The following COL4A5 variants were observed in gnomAD, a reference collection of about 807,000 sequenced individuals.
COL4A5 encodes collagen alpha-5(IV) chain.
A neutral mutation model predicts 130.2 loss-of-function variants in COL4A5; 26 were observed. The observed-to-expected ratio is 0.20, with a 90% confidence interval of 0.15 to 0.28. COL4A5 has a LOEUF of 0.28. COL4A5 is among the 10% of genes least tolerant of loss of function. The pLI, the probability that COL4A5 is intolerant of heterozygous loss-of-function variation, is 1.00. For missense variants in COL4A5, 1,131 were observed against 1,344.3 expected (o/e 0.84, Z 2.48); for synonymous variants, 496 against 439.6 (o/e 1.13, Z -1.60).
At chrX:108,512,098 C>CA (rs2065184322) in intron 1 of COL4A5, among the ~76,000 whole-genome samples, 1 of 111,902 alleles carries the variant, frequency 8.9e-6, no homozygotes, top group Admixed American at 9.5e-5. Flanking sequence ...CTAAATGGTT[C>CA]AACATTTATA....
chrX:108,515,537 A>G (rs921162746), intron 1 of COL4A5, among the ~76,000 whole-genome samples: 1 of 110,683 alleles, frequency 9.0e-6, no homozygotes, highest in Non-Finnish European at 1.9e-5. Flanking sequence ...CCATGCTTCC[A>G]CTGATTTCTG....
rs1178911657 is a variant in COL4A5, at chrX:108,687,602, C to T, written c.4436C>T (p.Ala1479Val). ...ACACGCCACAGCCAGACAACGGATG[C>T]ACCACAATGCCCACAGGGAACACTT... ...LITRHSQTTD[A>V]PQCPQGTLQV... Residue 1479 changes from alanine (A) to valine (V), a missense_variant, in exon 49 of 53, where the codon GCA becomes GTA. Transcript: ENST00000328300. The T allele has an allele frequency of 8.3e-7, 1 of 1,211,404 alleles. No homozygotes were observed. Among genetic ancestry groups the T allele is most frequent in the Non-Finnish European group, 1.1e-6 (1 of 895,168 alleles).
At chrX:108,646,599 T>A (rs950484195) in intron 36 of COL4A5, among the ~76,000 whole-genome samples, 1 of 111,945 alleles carries the variant, frequency 8.9e-6, no homozygotes, top group African/African-American at 3.3e-5. Context: ...ATCCCATTTG[T>A]CAATTTTGGC....
intron 26 of COL4A5, 21 bp from the exon 27 acceptor site, chrX:108,601,864 A>C (rs376609656): frequency 3.1e-6 from 3 of 960,055 alleles, no homozygotes; most frequent in Non-Finnish European, 4.4e-6. Flanking sequence ...TTTCCTTTCA[A>C]TAACTGCTGT....
chrX:108,549,068 A>G (rs1036121067), intron 2 of COL4A5, among the ~76,000 whole-genome samples: 5 of 111,900 alleles, frequency 4.5e-5, no homozygotes, highest in Admixed American at 3.8e-4. Context: ...AAATGCGGGT[A>G]AATATAAGAG....
In COL4A5 at chrX:108,687,351, A is replaced by G. The variant is rs758071454; in HGVS notation, c.4316-131A>G. ...GTCTCCTAGCCCATGATATCTGACAATGCCTTTATAGACACTCTATAAATA... is the reference window on the plus strand; with the variant it reads ...GTCTCCTAGCCCATGATATCTGACAGTGCCTTTATAGACACTCTATAAATA... On this transcript the variant is annotated intron_variant, in intron 48 of 52. Transcript: ENST00000328300. 1.9e-4 allele frequency: 107 copies of G among 569,011 alleles called. 1 individual carries two copies. The African/African-American group carries it at 2.1e-3, about 11-fold the overall frequency. The allele number at this position is 569,011 out of a possible 1,213,427, so 46.9% of individuals were successfully genotyped here.
intron 1 of COL4A5, among the ~76,000 whole-genome samples, chrX:108,469,117 G>T (rs1267466263): frequency 9.6e-6 from 1 of 103,848 alleles, no homozygotes; most frequent in Non-Finnish European, 2.0e-5. Context: ...TTTCATCTAG[G>T]TTGCCTAATT....
chrX:108,503,951 A>G (rs1449231337), intron 1 of COL4A5, among the ~76,000 whole-genome samples: 1 of 112,233 alleles, frequency 8.9e-6, no homozygotes, highest in African/African-American at 3.2e-5. Context: ...TCCTAAACCA[A>G]AAGAACAAAT....
chrX:108,544,093 T>C (rs976285808), intron 2 of COL4A5, among the ~76,000 whole-genome samples: 2 of 111,616 alleles, frequency 1.8e-5, no homozygotes, highest in African/African-American at 6.5e-5. Flanking sequence ...AATTGAATAC[T>C]CTTTATTTCT....
At chrX:108,636,915 G>A (rs1030055782) in intron 36 of COL4A5, among the ~76,000 whole-genome samples, 16 of 107,613 alleles carry the variant, frequency 1.5e-4, no homozygotes, top group Non-Finnish European at 9.6e-5. Context: ...AAGAAATCAC[G>A]AGGGTAGTTA....
chrX:108,520,995 A>C (rs913615834), intron 1 of COL4A5, among the ~76,000 whole-genome samples: 1 of 112,001 alleles, frequency 8.9e-6, no homozygotes, highest in Admixed American at 9.5e-5. Flanking sequence ...TTATGTAAGT[A>C]TATGTGTGTT....
At chrX:108,646,334 G>T (rs368508229) in intron 36 of COL4A5, among the ~76,000 whole-genome samples, 104 of 111,767 alleles carry the variant, frequency 9.3e-4, no homozygotes, top group African/African-American at 3.2e-3. Flanking sequence ...TGGCCAGTGA[G>T]GATAAGCATT....
Position 108,695,347 on chromosome X carries a change from C to T in COL4A5, c.4902C>T (p.Pro1634=), listed in dbSNP as rs1211062980. Residue 1634 remains proline (P), a synonymous_variant, in exon 52 of 53, where the codon CCC becomes CCT. Coordinates refer to ENST00000328300, the MANE Select transcript of COL4A5 (RefSeq NM_033380.3). ...GCTTGGAAGAGTTTCGTTCAGCTCC[C>T]TTCATCGAATGTCATGGGAGGGGTA... The part of the protein sequence containing the change: ...GSCLEEFRSA[P]FIECHGRGTC... 3 of 1,211,463 alleles carry T rather than the reference C, an allele frequency of 2.5e-6. No homozygotes were observed. In the South Asian group the frequency reaches 5.3e-5, roughly 21 times the overall value.
rs777500008 is a variant in COL4A5, at chrX:108,665,721, C to A, written c.3454+134C>A. 1.0e-5 allele frequency: 5 copies of A among 493,567 alleles called. No individual in the cohort carries two copies. The South Asian group carries it at 1.2e-4, about 12-fold the overall frequency. 40.7% of individuals were successfully genotyped at this position (493,567 alleles called of 1,213,427 possible). On this transcript the variant is annotated intron_variant, in intron 38 of 52. Coordinates refer to ENST00000328300, the MANE Select transcript of COL4A5 (RefSeq NM_033380.3). ...TATAGTGTTCATTCACTTAACACTG[C>A]ATGTGAGGTACAGAATGAATAACTT...
intron 1 of COL4A5, among the ~76,000 whole-genome samples, chrX:108,519,479 C>T (rs1402214014): frequency 1.8e-5 from 2 of 111,150 alleles, no homozygotes; most frequent in Non-Finnish European, 3.8e-5. Context: ...GCTTTATCAA[C>T]ATTTTTTATT....
intron 29 of COL4A5, among the ~76,000 whole-genome samples, chrX:108,613,179 T>A (rs775451792): frequency 2.7e-5 from 3 of 112,374 alleles, no homozygotes; most frequent in Non-Finnish European, 5.7e-5. Context: ...ATCAAACTTC[T>A]GGAACAGAAG....
chrX:108,683,007 C>G (rs1292282452), intron 47 of COL4A5, among the ~76,000 whole-genome samples: 1 of 111,898 alleles, frequency 8.9e-6, no homozygotes, highest in East Asian at 2.8e-4. Context: ...AGGTTTTCTT[C>G]TAGGATTTTT....
At chrX:108,486,165 C>T (rs2064943199) in intron 1 of COL4A5, among the ~76,000 whole-genome samples, 1 of 111,609 alleles carries the variant, frequency 9.0e-6, no homozygotes, top group African/African-American at 3.3e-5. Flanking sequence ...TCTCTCAGTC[C>T]ACATGGCTGC....
chrX:108,544,286 A>G (rs1569483855), intron 2 of COL4A5, among the ~76,000 whole-genome samples: 1 of 112,133 alleles, frequency 8.9e-6, no homozygotes, highest in African/African-American at 3.2e-5. Context: ...ATGTCCCATC[A>G]ATACCTAATT....
Sources: gnomAD v4.1 joint callset for allele counts (sites outside exome capture counted in the v4.1 genomes callset) on GRCh38, gnomAD v4.1.1 for gene constraint, MANE v1.5 for transcripts, NCBI Gene and HGNC (gene_info 2026-07-23, HGNC 2026-07-21) for gene names.